Variants in SLC24A2 observed in about 807,000 individuals in gnomAD.
SLC24A2 encodes sodium/potassium/calcium exchanger 2.
SLC24A2 carries 36 observed loss-of-function variants against 62.0 expected under a neutral mutation model. That is an observed-to-expected ratio of 0.58 (90% CI 0.44 to 0.77). The LOEUF is 0.77. Ranked by LOEUF, SLC24A2 falls within the 30% of genes least tolerant of loss-of-function variation. SLC24A2 has a pLI of 0.00. For synonymous variants in SLC24A2, 358 were observed against 294.0 expected (o/e 1.22, Z -2.23); for missense variants, 846 against 817.9 (o/e 1.03, Z -0.42).
the SLC24A2 span, among the ~76,000 whole-genome samples, chr9:20,063,263 C>T: frequency 6.6e-6 from 1 of 151,212 alleles, no homozygotes; most frequent in African/African-American, 2.4e-5. Context: ...CAATGATAGA[C>T]TGGATTAAGA....
chr9:19,607,227 C>T (rs1019556482), intron 4 of SLC24A2, among the ~76,000 whole-genome samples: 6 of 152,106 alleles, frequency 3.9e-5, no homozygotes, highest in African/African-American at 1.4e-4. Context: ...CAGTGACTGC[C>T]CCCATCCTTT....
chr9:19,870,867 T>C, the SLC24A2 span, among the ~76,000 whole-genome samples: 4 of 152,180 alleles, frequency 2.6e-5, no homozygotes, highest in African/African-American at 4.8e-5. Context: ...TTTCTTTTTA[T>C]TGTTGAGTTG....
rs1465349086 is a variant in SLC24A2, at chr9:19,541,260, C to T, written c.1479+8877G>A. Among the ~76,000 whole-genome samples the T allele has an allele frequency of 1.5e-3, 208 of 137,120 alleles. 1 individual carries two copies. Among genetic ancestry groups the T allele is most frequent in the Non-Finnish European group, 2.1e-3 (130 of 62,968 alleles). The allele number at this position is 137,120 out of a possible 152,430, so 90.0% of individuals were successfully genotyped here. A position where few individuals can be genotyped will look rare whatever the true frequency, so the allele number is the denominator to read the frequency against. On this transcript the variant is annotated intron_variant, in intron 8 of 10. Transcript: ENST00000341998. ...TCCGTTGCTGGTGAGGAACTGCGTTCCTTTGGAGGAGGAGAGGCACTCTGC... is the reference window on the plus strand; with the variant it reads ...TCCGTTGCTGGTGAGGAACTGCGTTTCTTTGGAGGAGGAGAGGCACTCTGC...
chr9:19,786,936 C>G lies in SLC24A2; in HGVS notation c.-70G>C. ...AACCAGATGGTTCTTTCATACTTTT[C>G]CTTACTTTATAGTTAACGATGCTTG... is the stretch of plus-strand genomic sequence containing the variant. On this transcript the variant is annotated 5_prime_UTR_variant, in exon 2 of 11. Transcript: ENST00000341998. The surrounding 1 kb of genome is among the most constrained non-coding windows in gnomAD (Gnocchi z 5.0). The G allele has an allele frequency of 5.1e-6, 8 of 1,583,040 alleles. No individual in the cohort carries two copies. Among genetic ancestry groups the G allele is most frequent in the Non-Finnish European group, 6.8e-6 (8 of 1,172,582 alleles).
chr9:20,022,758 T>C, the SLC24A2 span, among the ~76,000 whole-genome samples: 1 of 150,656 alleles, frequency 6.6e-6, no homozygotes, highest in Admixed American at 6.6e-5. Context: ...ACAAACTGAA[T>C]CCTTTGCTAT....
At chr9:20,143,756 A>G in the SLC24A2 span, among the ~76,000 whole-genome samples, 2 of 152,214 alleles carry the variant, frequency 1.3e-5, no homozygotes, top group East Asian at 3.9e-4. Context: ...TATAAGTAAA[A>G]TTATTTCCAA....
intron 2 of SLC24A2, among the ~76,000 whole-genome samples, chr9:19,774,617 T>C (rs73646164): frequency 0.029 from 4,378 of 152,242 alleles, 210 homozygotes; most frequent in African/African-American, 0.1. Flanking sequence ...GGAAAAACGG[T>C]GCTTCAGGTT....
At chr9:19,820,009 G>GTGTA in the SLC24A2 span, among the ~76,000 whole-genome samples, 2 of 109,052 alleles carry the variant, frequency 1.8e-5, no homozygotes, top group African/African-American at 8.2e-5. Context: ...ATATATATGT[G>GTGTA]TATATATATA....
At chr9:19,826,713 G>T in the SLC24A2 span, among the ~76,000 whole-genome samples, 1 of 152,122 alleles carries the variant, frequency 6.6e-6, no homozygotes, top group Non-Finnish European at 1.5e-5. Context: ...ATCCATAAGG[G>T]TAGAGCCCTC....
intron 9 of SLC24A2, 30 bp from the exon 10 acceptor site, chr9:19,521,090 A>G: frequency 2.5e-6 from 4 of 1,599,926 alleles, no homozygotes; most frequent in Non-Finnish European, 3.4e-6. Context: ...TAAACATCTC[A>G]GTGTTTGAAG....
chr9:20,076,848 A>G, the SLC24A2 span, among the ~76,000 whole-genome samples: 1 of 48,790 alleles, frequency 2.0e-5, no homozygotes, highest in Non-Finnish European at 4.4e-5. Flanking sequence ...TGATATATAT[A>G]TACATATCAT....
chr9:19,803,837 A>C, the SLC24A2 span, among the ~76,000 whole-genome samples: 1 of 152,212 alleles, frequency 6.6e-6, no homozygotes, highest in African/African-American at 2.4e-5. Context: ...GAAACTAAAA[A>C]GAATTTGGAG....
the SLC24A2 span, among the ~76,000 whole-genome samples, chr9:20,019,203 A>AAAAG: frequency 2.1e-5 from 3 of 143,382 alleles, no homozygotes; most frequent in African/African-American, 5.0e-5. Context: ...AGAAAGAAGG[A>AAAAG]AAAGAAAGAA....
the SLC24A2 span, among the ~76,000 whole-genome samples, chr9:20,142,046 G>A: frequency 6.6e-6 from 1 of 152,056 alleles, no homozygotes; most frequent in Admixed American, 6.5e-5. Context: ...TTACACCACT[G>A]CACTCCAGCC....
chr9:20,304,521 A>G, the SLC24A2 span, among the ~76,000 whole-genome samples: 2 of 152,270 alleles, frequency 1.3e-5, no homozygotes, highest in African/African-American at 4.8e-5. Context: ...TATATAAAAC[A>G]CATGCGTAAG....
chr9:20,254,279 G>A, the SLC24A2 span, among the ~76,000 whole-genome samples: 5 of 152,116 alleles, frequency 3.3e-5, no homozygotes, highest in Admixed American at 1.3e-4. Flanking sequence ...CTTAGGGAGG[G>A]TGAGACTCCA....
the SLC24A2 span, among the ~76,000 whole-genome samples, chr9:20,011,607 TG>T: frequency 6.6e-6 from 1 of 152,138 alleles, no homozygotes; most frequent in African/African-American, 2.4e-5. Context: ...CAGGAATTCC[TG>T]AAGGAGAGAG....
intron 7 of SLC24A2, among the ~76,000 whole-genome samples, chr9:19,559,803 G>C (rs1835301745): frequency 6.6e-6 from 1 of 152,130 alleles, no homozygotes; most frequent in South Asian, 2.1e-4. Flanking sequence ...CACCTCCATT[G>C]TTTCCTAAAC....
At chr9:19,936,184 G>A in the SLC24A2 span, among the ~76,000 whole-genome samples, 5 of 151,550 alleles carry the variant, frequency 3.3e-5, no homozygotes, top group African/African-American at 9.7e-5. Flanking sequence ...TATATTTTTC[G>A]GGACTCCTTA....
Sources: gnomAD v4.1 joint callset for allele counts (sites outside exome capture counted in the v4.1 genomes callset) on GRCh38, gnomAD v4.1.1 for gene constraint, Gnocchi (gnomAD v3.1) non-coding constraint, MANE v1.5 for transcripts, NCBI Gene and HGNC (gene_info 2026-07-23, HGNC 2026-07-21) for gene names.